SASH3: variants seen among roughly 807,000 people sequenced by gnomAD.
SASH3 encodes the protein SAM and SH3 domain containing 3, also known as SAM and SH3 domain-containing protein 3.
A neutral mutation model predicts 26.1 loss-of-function variants in SASH3; 7 were observed. That is an observed-to-expected ratio of 0.27 (90% CI 0.15 to 0.50). The LOEUF is 0.50. Ranked by LOEUF, SASH3 falls within the 20% of genes least tolerant of loss-of-function variation. The probability of loss-of-function intolerance (pLI) is 0.98; values close to 1 mark genes in which losing one functional copy is unlikely to be tolerated. For missense variants in SASH3, 231 were observed against 318.3 expected (o/e 0.73, Z 2.09); for synonymous variants, 138 against 136.8 (o/e 1.01, Z -0.06).
intron 1 of SASH3, among the ~76,000 whole-genome samples, chrX:129,783,147 C>T (rs898710740): frequency 9.9e-5 from 11 of 111,557 alleles, no homozygotes; most frequent in Non-Finnish European, 5.7e-5. Context: ...GATACATGCC[C>T]TTGGCCTGGC....
At chrX:129,793,287 C>A in intron 7 of SASH3, 148 bp downstream of exon 7, 2 of 684,322 alleles carry the variant, frequency 2.9e-6, no homozygotes, top group Non-Finnish European at 4.3e-6. Flanking sequence ...ATTAGAATTT[C>A]AGGGAAAGTG....
chrX:129,785,448 G>T (rs1011944711), intron 1 of SASH3, among the ~76,000 whole-genome samples: 4 of 111,838 alleles, frequency 3.6e-5, no homozygotes, highest in African/African-American at 1.3e-4. Context: ...CCTGGGCTGA[G>T]AGTAGCCAAC....
At position 129,792,766 on chromosome X, in the gene SASH3, G is replaced by A. The variant is rs751943834; in HGVS notation, c.731G>A (p.Arg244His). Residue 244 changes from arginine (R) to histidine (H), a missense_variant, in exon 6 of 8, where the codon CGC (arginine) becomes CAC (histidine). Arg to His is a conservative substitution (Grantham distance 29). Coordinates refer to ENST00000356892, the MANE Select transcript of SASH3 (RefSeq NM_018990.4). ...GCCGTGGGGCATGCCCGCCCCAGCC[G>A]CCGACAGAGCAAGGGCAAGAGGCCC... ...EEAVGHARPS[R>H]RQSKGKRPKP... 3.0e-5 allele frequency: 36 copies of A among 1,205,653 alleles called. No individual in the cohort carries two copies. Among genetic ancestry groups the A allele is most frequent in the African/African-American group, 2.6e-4 (15 of 57,220 alleles).
intron 1 of SASH3, among the ~76,000 whole-genome samples, chrX:129,780,638 C>T (rs1173648672): frequency 8.9e-6 from 1 of 112,779 alleles, no homozygotes; most frequent in East Asian, 2.8e-4. Context: ...CCACCCCCTC[C>T]TCCACTTTGG....
intron 4 of SASH3, among the ~76,000 whole-genome samples, chrX:129,792,104 C>G (rs1338729197): frequency 4.5e-5 from 5 of 112,114 alleles, no homozygotes; most frequent in Non-Finnish European, 7.5e-5. Context: ...CCATTGCCAA[C>G]TCTTTTCATG....
At chrX:129,793,571 T>C (rs1234938691) in intron 7 of SASH3, 71 bp from the exon 8 acceptor site, 7 of 1,071,956 alleles carry the variant, frequency 6.5e-6, no homozygotes, top group Non-Finnish European at 7.6e-6. Context: ...AAGGAGAGAC[T>C]GCCTATGGTG....
At chrX:129,785,400 C>T (rs1304837050) in intron 1 of SASH3, among the ~76,000 whole-genome samples, 1 of 111,775 alleles carries the variant, frequency 8.9e-6, no homozygotes, top group Non-Finnish European at 1.9e-5. Flanking sequence ...CCCTGAAACT[C>T]GATCACCCAA....
At chrX:129,781,165 C>T (rs776889906) in intron 1 of SASH3, among the ~76,000 whole-genome samples, 3 of 112,401 alleles carry the variant, frequency 2.7e-5, no homozygotes, top group South Asian at 7.2e-4. Context: ...GGCTATCCCC[C>T]GCCAATTTTC....
chrX:129,789,037 G>A (rs1161209540), intron 3 of SASH3, among the ~76,000 whole-genome samples: 5 of 106,066 alleles, frequency 4.7e-5, no homozygotes, highest in African/African-American at 6.9e-5. Context: ...AGGAGACAGA[G>A]GTTACAGTGT....
At chrX:129,788,092 T>C (rs776219682) in intron 2 of SASH3, 22 bp downstream of exon 2, 1 of 642,928 alleles carries the variant, frequency 1.6e-6, no homozygotes, top group Non-Finnish European at 2.1e-6. Context: ...GGCATCCTTG[T>C]GGGATCTGGC....
In SASH3 at chrX:129,792,630, G is replaced by A. The variant is rs967959753; in HGVS notation, c.595G>A (p.Gly199Arg). 8.3e-7 allele frequency: 1 copy of A among 1,210,059 alleles called. No individual in the cohort carries two copies. Among genetic ancestry groups the A allele is most frequent in the African/African-American group, 1.7e-5 (1 of 57,902 alleles). Residue 199 changes from glycine (G) to arginine (R), a missense_variant, in exon 6 of 8, where the codon GGA (glycine) becomes AGA (arginine). By Grantham distance (125) the Gly-to-Arg change is moderately radical (BLOSUM62 -2). Coordinates refer to ENST00000356892, the MANE Select transcript of SASH3 (RefSeq NM_018990.4). ...CTCCTCTCCTCTCCCCCAACAGAAAGGAGATGTGATCCAGATCATTGAAAA... is the reference window on the plus strand; with the variant it reads ...CTCCTCTCCTCTCCCCCAACAGAAAAGAGATGTGATCCAGATCATTGAAAA... Reference protein sequence around the residue: ...YDHDSLKLQKGDVIQIIEKPP... With the variant: ...YDHDSLKLQKRDVIQIIEKPP...
intron 1 of SASH3, among the ~76,000 whole-genome samples, chrX:129,786,669 C>T (rs1927112141): frequency 8.9e-6 from 1 of 111,803 alleles, no homozygotes; most frequent in Non-Finnish European, 1.9e-5. Flanking sequence ...TGGTTTCTGG[C>T]TGCTACCTTG....
At chrX:129,793,618 G>T in intron 7 of SASH3, 24 bp from the exon 8 acceptor site, 1 of 1,205,577 alleles carries the variant, frequency 8.3e-7, no homozygotes, top group Non-Finnish European at 1.1e-6. Flanking sequence ...CCCATATTCT[G>T]TCTCCCTCTC....
At position 129,791,164 on chromosome X, in the gene SASH3, C is replaced by CG. The variant is rs1247290096; in HGVS notation, c.442+89dup. 4 of 1,023,871 alleles carry CG rather than the reference C, an allele frequency of 3.9e-6. No homozygotes were observed. The South Asian group carries it at 6.5e-5, about 17-fold the overall frequency. 84.4% of individuals were successfully genotyped at this position (1,023,871 alleles called of 1,213,427 possible). On this transcript the variant is annotated intron_variant, in intron 4 of 7. Coordinates refer to ENST00000356892, the MANE Select transcript of SASH3 (RefSeq NM_018990.4). ...CCGTGCTGGTGGCACACTGTCTGGG[C>CG]GGGGGGTAAGAGAAATGAATGCTTA...
chrX:129,792,492 G>A lies in SASH3; in HGVS notation c.591+16G>A, dbSNP rs757732539. 2.3e-5 allele frequency: 28 copies of A among 1,209,663 alleles called. No individual in the cohort carries two copies. Among genetic ancestry groups the A allele is most frequent in the Middle Eastern group, 2.3e-4 (1 of 4,374 alleles). ...GAAACTGCAGGTAAGATCAGCATCCGGGCTTCTCTGGAGCCTGGCAGGCTG... is the reference window on the plus strand; with the variant it reads ...GAAACTGCAGGTAAGATCAGCATCCAGGCTTCTCTGGAGCCTGGCAGGCTG... On this transcript the variant is annotated intron_variant, in intron 5 of 7. Coordinates refer to ENST00000356892, the MANE Select transcript of SASH3 (RefSeq NM_018990.4).
chrX:129,782,975 G>A (rs2124072111), intron 1 of SASH3, among the ~76,000 whole-genome samples: 1 of 111,906 alleles, frequency 8.9e-6, no homozygotes, highest in South Asian at 3.7e-4. Context: ...GGTATAGGAA[G>A]TGGAGAGGGA....
At position 129,791,036 on chromosome X, in the gene SASH3, C is replaced by G. The variant is rs1319147599; in HGVS notation, c.397C>G (p.Gln133Glu). 1.7e-6 allele frequency: 2 copies of G among 1,211,468 alleles called. No individual in the cohort carries two copies. The highest frequency in any genetic ancestry group is 2.2e-6 in the Non-Finnish European group (2 of 895,333). The change falls in exon 4 of 8, where the codon CAA (glutamine) becomes GAA (glutamate). Residue 133 changes from glutamine (Q) to glutamate (E), a missense_variant. Physicochemically the swap from Gln to Glu is conservative, Grantham distance 29. Transcript: ENST00000356892. ...GAAGATGGCGCTGGCCTTTTCTGAG[C>G]AAGAGGAGCATGAACTTCCGGTGCT... is the stretch of plus-strand genomic sequence containing the variant. ...PEKMALAFSE[Q>E]EEHELPVLSR...
chrX:129,781,803 C>T (rs1366258470), intron 1 of SASH3, among the ~76,000 whole-genome samples: 2 of 112,229 alleles, frequency 1.8e-5, no homozygotes, highest in African/African-American at 3.2e-5. Flanking sequence ...CCAGGCAAAC[C>T]CCACCCCAAC....
Position 129,790,972 on chromosome X carries a change from G to A in SASH3, c.333G>A (p.Pro111=), listed in dbSNP as rs760582703. ...CTCTGGAGGAGGGCTCTGCCTCCCC[G>A]ACATCTCCAGACTACAGCCTGGACA... The part of the protein sequence containing the change: ...ADTLEEGSAS[P]TSPDYSLDSP... Residue 111 remains proline (P), a synonymous_variant, in exon 4 of 8, where the codon CCG becomes CCA. Coordinates refer to ENST00000356892, the MANE Select transcript of SASH3 (RefSeq NM_018990.4). The A allele has an allele frequency of 2.7e-5, 33 of 1,209,335 alleles. No homozygotes were observed. Among genetic ancestry groups the A allele is most frequent in the East Asian group, 2.4e-4 (8 of 33,697 alleles).
Sources: allele counts gnomAD v4.1 joint callset (sites outside exome capture counted in the v4.1 genomes callset), GRCh38; gene constraint gnomAD v4.1.1; transcripts MANE v1.5; gene names NCBI Gene and HGNC (gene_info 2026-07-23, HGNC 2026-07-21).